The following GRIN2A variants were observed in gnomAD, a reference collection of about 807,000 sequenced individuals.
GRIN2A encodes glutamate ionotropic receptor NMDA type subunit 2A, also known as glutamate receptor ionotropic, NMDA 2A.
A neutral mutation model predicts 113.4 loss-of-function variants in GRIN2A; 22 were observed. The observed-to-expected ratio is 0.19, with a 90% CI of 0.14 to 0.28. The LOEUF (loss-of-function observed/expected upper bound fraction) is 0.28. Among genes scored for constraint, GRIN2A ranks in the 10% least tolerant of loss-of-function variants. The probability of loss-of-function intolerance (pLI) is 1.00; values close to 1 mark genes in which losing one functional copy is unlikely to be tolerated. For synonymous variants in GRIN2A, 827 were observed against 738.4 expected (o/e 1.12, Z -1.94); for missense variants, 1,502 against 1,887.0 (o/e 0.80, Z 3.78).
chr16:9,992,644 T>A (rs2046141528), intron 2 of GRIN2A, among the ~76,000 whole-genome samples: 1 of 152,172 alleles, frequency 6.6e-6, no homozygotes, highest in South Asian at 2.1e-4. Flanking sequence ...AGGTTATAAA[T>A]TGTTCTTGAA....
At chr16:9,854,011 A>G (rs573762403) in intron 4 of GRIN2A, among the ~76,000 whole-genome samples, 2 of 152,286 alleles carry the variant, frequency 1.3e-5, no homozygotes, top group East Asian at 3.9e-4. Flanking sequence ...TTATGAGACT[A>G]TGATTTCCCA....
chr16:10,106,898 C>T (rs1473543369), intron 2 of GRIN2A, among the ~76,000 whole-genome samples: 3 of 152,020 alleles, frequency 2.0e-5, no homozygotes, highest in South Asian at 2.1e-4. Context: ...TTCAGCCTCC[C>T]GAGAACATGC....
In GRIN2A at chr16:9,921,606, C is replaced by T. The variant is rs191105182; in HGVS notation, c.1007+16353G>A. On this transcript the variant is annotated intron_variant, in intron 3 of 12. Coordinates refer to ENST00000330684, the MANE Select transcript of GRIN2A (RefSeq NM_001134407.3). The stretch of plus-strand genomic sequence containing the variant: ...GCATGTGAAAATCCTTAACATACCA[C>T]CTAGATCAGAATAAGTGCTGTGGTA... Among the ~76,000 whole-genome samples the T allele has an allele frequency of 1.1e-4, 17 of 152,276 alleles. No individual in the cohort carries two copies. The East Asian group carries it at 2.9e-3, about 26-fold the overall frequency.
At chr16:9,869,125 G>T (rs1348222016) in intron 4 of GRIN2A, among the ~76,000 whole-genome samples, 1 of 152,056 alleles carries the variant, frequency 6.6e-6, no homozygotes, top group Non-Finnish European at 1.5e-5. Flanking sequence ...CATAATAGAT[G>T]CACAAATACC....
chr16:9,784,437 C>CCA (rs1280512198), intron 11 of GRIN2A, among the ~76,000 whole-genome samples: 2 of 119,822 alleles, frequency 1.7e-5, no homozygotes, highest in Non-Finnish European at 3.4e-5. Flanking sequence ...ACAACAACAA[C>CCA]AACCAAAAAA....
chr16:9,907,437 G>C (rs1188092278), intron 3 of GRIN2A, among the ~76,000 whole-genome samples: 1 of 152,108 alleles, frequency 6.6e-6, no homozygotes, highest in Non-Finnish European at 1.5e-5. Context: ...ACACAGAGAA[G>C]AGATCAGTGA....
At chr16:9,949,203 T>C (rs2045104420) in intron 2 of GRIN2A, among the ~76,000 whole-genome samples, 1 of 152,232 alleles carries the variant, frequency 6.6e-6, no homozygotes, top group Admixed American at 6.5e-5. Context: ...TGCAACCAGA[T>C]TAATGCTAAT....
intron 2 of GRIN2A, among the ~76,000 whole-genome samples, chr16:10,141,966 C>A (rs1195739224): frequency 6.6e-6 from 1 of 152,204 alleles, no homozygotes; most frequent in Non-Finnish European, 1.5e-5. Context: ...AACTTCAATC[C>A]TCACCTGCCT....
At chr16:9,799,074 A>C (rs892935805) in intron 10 of GRIN2A, among the ~76,000 whole-genome samples, 1 of 152,242 alleles carries the variant, frequency 6.6e-6, no homozygotes, top group African/African-American at 2.4e-5. Flanking sequence ...GTGAGTATGC[A>C]CAAACACGCA....
intron 11 of GRIN2A, among the ~76,000 whole-genome samples, chr16:9,783,706 G>T (rs1457689375): frequency 6.6e-6 from 1 of 152,160 alleles, no homozygotes; most frequent in Non-Finnish European, 1.5e-5. Flanking sequence ...TCAATATCAT[G>T]GACCCCAACT....
intron 2 of GRIN2A, among the ~76,000 whole-genome samples, chr16:10,155,747 T>C (rs764968348): frequency 2.0e-5 from 3 of 152,046 alleles, no homozygotes; most frequent in Non-Finnish European, 2.9e-5. Flanking sequence ...AGAAGCAAGG[T>C]CACATCTTAC....
In GRIN2A at chr16:9,759,436, G is replaced by C. The variant is rs1205142230; in HGVS notation, c.*3713C>G. The C allele has an allele frequency of 4.4e-6, 1 of 225,380 alleles. No individual in the cohort carries two copies. The highest frequency in any genetic ancestry group is 2.2e-5 in the African/African-American group (1 of 44,922). 14.0% of individuals were successfully genotyped at this position (225,380 alleles called of 1,614,324 possible). ...ATAAACAATGTGTGACTATATGACA[G>C]CTGTGGATCTTTTGACTAATTAACT... On this transcript the variant is annotated 3_prime_UTR_variant, in exon 13 of 13. Transcript: ENST00000330684.
rs988347711 is a variant in GRIN2A, at chr16:9,875,840, C to T, written c.1122+15146G>A. ...GGTCTTTCAGGAAGTTTTTTCACCTCCCCAGTGCCCAGGCTGGAGTAGGTG... is the reference window on the plus strand; with the variant it reads ...GGTCTTTCAGGAAGTTTTTTCACCTTCCCAGTGCCCAGGCTGGAGTAGGTG... On this transcript the variant is annotated intron_variant, in intron 4 of 12. Transcript: ENST00000330684. Among the ~76,000 whole-genome samples, 65 of 152,192 alleles carry T rather than the reference C, an allele frequency of 4.3e-4. 1 individual carries two copies. Among genetic ancestry groups the T allele is most frequent in the Non-Finnish European group, 4.4e-5 (3 of 68,044 alleles).
chr16:10,101,801 C>T (rs1024232543), intron 2 of GRIN2A, among the ~76,000 whole-genome samples: 6 of 152,152 alleles, frequency 3.9e-5, no homozygotes, highest in African/African-American at 7.2e-5. Flanking sequence ...TCAGATCTTC[C>T]GCTGGAGAGA....
intron 2 of GRIN2A, chr16:10,112,253 G>C (rs1354355189): frequency 3.2e-6 from 2 of 630,880 alleles, no homozygotes; most frequent in African/African-American, 3.6e-5. Context: ...ACATCAAACA[G>C]AAGTACCTCC....
intron 2 of GRIN2A, among the ~76,000 whole-genome samples, chr16:10,127,501 A>C (rs1488032623): frequency 6.6e-6 from 1 of 152,182 alleles, no homozygotes; most frequent in Non-Finnish European, 1.5e-5. Flanking sequence ...GGAGGTCTTC[A>C]CCAGCAACTG....
intron 2 of GRIN2A, among the ~76,000 whole-genome samples, chr16:10,005,226 C>T (rs2046385516): frequency 6.6e-6 from 1 of 152,120 alleles, no homozygotes; most frequent in Non-Finnish European, 1.5e-5. Context: ...TTTTAAATAA[C>T]TATTGATATA....
intron 2 of GRIN2A, among the ~76,000 whole-genome samples, chr16:10,040,531 A>T (rs1206413418): frequency 6.6e-6 from 1 of 151,626 alleles, no homozygotes; most frequent in Non-Finnish European, 1.5e-5. Flanking sequence ...TCCACACCAC[A>T]TAATGCTGCA....
At chr16:10,115,676 T>A (rs1165164700) in intron 2 of GRIN2A, among the ~76,000 whole-genome samples, 1 of 152,236 alleles carries the variant, frequency 6.6e-6, no homozygotes, top group Non-Finnish European at 1.5e-5. Context: ...CCAACTTGGC[T>A]TCCGCAACTG....
Sources: allele counts gnomAD v4.1 joint callset (sites outside exome capture counted in the v4.1 genomes callset), GRCh38; gene constraint gnomAD v4.1.1; transcripts MANE v1.5; gene names NCBI Gene and HGNC (gene_info 2026-07-23, HGNC 2026-07-21).